TMEM135: variants seen among roughly 807,000 people sequenced by gnomAD.
TMEM135 encodes transmembrane protein 135, also known as peroxisomal membrane protein 52.
Under a neutral mutation model 60.3 loss-of-function variants are expected in TMEM135, and 30 were observed. That is an observed-to-expected ratio of 0.50 (90% CI 0.37 to 0.68). The LOEUF is 0.68. Ranked by LOEUF, TMEM135 falls within the 30% of genes least tolerant of loss-of-function variation. The probability of loss-of-function intolerance (pLI) is 0.00; values close to 1 mark genes in which losing one functional copy is unlikely to be tolerated. For synonymous variants in TMEM135, 190 were observed against 186.7 expected, an observed-to-expected ratio of 1.02 and a Z score of -0.14; for missense variants, 468 against 548.8, an observed-to-expected ratio of 0.85 and a Z score of 1.47.
At chr11:87,276,565 T>G (rs1401411665) in intron 6 of TMEM135, among the ~76,000 whole-genome samples, 1 of 151,822 alleles carries the variant, frequency 6.6e-6, no homozygotes, top group African/African-American at 2.4e-5. Flanking sequence ...TGTTTGTGTG[T>G]GTGTGTGTGT....
Position 87,155,279 on chromosome 11 carries a change from G to A in TMEM135, c.397-2062G>A, listed in dbSNP as rs564955982. Among the ~76,000 whole-genome samples, 283 of 152,346 alleles carry A rather than the reference G, an allele frequency of 1.9e-3. 1 individual carries two copies. The highest frequency in any genetic ancestry group is 2.8e-3 in the Non-Finnish European group (189 of 68,034). On this transcript the variant is annotated intron_variant, in intron 4 of 14. Coordinates refer to ENST00000305494, the MANE Select transcript of TMEM135 (RefSeq NM_022918.4). Reference sequence around the variant, plus strand: ...CTCTCAAACTGTTGGGATTACAGGCGTGAGCCGCCATGCCCAGACTGTTTT... The same window carrying A: ...CTCTCAAACTGTTGGGATTACAGGCATGAGCCGCCATGCCCAGACTGTTTT...
chr11:87,277,232 A>G (rs1304783250), intron 6 of TMEM135: 1 of 368,054 alleles, frequency 2.7e-6, no homozygotes. Context: ...CCCGGGTTCA[A>G]GCGATTCTTG....
At chr11:87,184,883 T>A (rs555182235) in intron 5 of TMEM135, among the ~76,000 whole-genome samples, 13 of 152,298 alleles carry the variant, frequency 8.5e-5, no homozygotes, top group African/African-American at 1.4e-4. Context: ...AACATCCTGT[T>A]TGCTAAATAA....
intron 6 of TMEM135, among the ~76,000 whole-genome samples, chr11:87,267,320 G>C (rs1175982030): frequency 6.6e-6 from 1 of 151,998 alleles, no homozygotes; most frequent in Non-Finnish European, 1.5e-5. Flanking sequence ...GATAGATTTT[G>C]AGCTGAGAAA....
chr11:87,038,520 G>C (rs1434522893), intron 1 of TMEM135, among the ~76,000 whole-genome samples: 1 of 151,550 alleles, frequency 6.6e-6, no homozygotes, highest in Non-Finnish European at 1.5e-5. Context: ...CCTCTGGCCT[G>C]CCTTGTGATG....
intron 5 of TMEM135, among the ~76,000 whole-genome samples, chr11:87,191,977 C>CTTTTAT (rs1939810778): frequency 1.1e-5 from 1 of 87,974 alleles, no homozygotes. Context: ...TGTTTCTTTT[C>CTTTTAT]TTTTCTTTTC....
intron 4 of TMEM135, among the ~76,000 whole-genome samples, chr11:87,132,649 A>G (rs926949771): frequency 4.7e-5 from 7 of 149,424 alleles, no homozygotes; most frequent in African/African-American, 1.7e-4. Context: ...GATCTTTGTA[A>G]TGCTAACTAC....
rs1253857423 is a variant in TMEM135, at chr11:87,326,871, A to C, written c.*5538A>C. On this transcript the variant is annotated 3_prime_UTR_variant, in exon 15 of 15. Coordinates refer to ENST00000305494, the MANE Select transcript of TMEM135 (RefSeq NM_022918.4). ...TCAGAACCAAAGGGCAGGATAAATAAATCTATGAAACTAGAGGCATCATTG... is the reference window on the plus strand; with the variant it reads ...TCAGAACCAAAGGGCAGGATAAATACATCTATGAAACTAGAGGCATCATTG... 2.2e-6 allele frequency: 1 copy of C among 451,850 alleles called. No homozygotes were observed. The highest frequency in any genetic ancestry group is 2.4e-5 in the Admixed American group (1 of 42,262). 28.0% of individuals were successfully genotyped at this position (451,850 alleles called of 1,614,324 possible).
intron 5 of TMEM135, among the ~76,000 whole-genome samples, chr11:87,179,214 T>A (rs181111564): frequency 1.3e-5 from 2 of 151,890 alleles, no homozygotes; most frequent in African/African-American, 4.9e-5. Context: ...TTTCATGGGG[T>A]TTATTGTCTT....
At chr11:87,043,463 C>A (rs1031490620) in intron 1 of TMEM135, among the ~76,000 whole-genome samples, 1 of 151,932 alleles carries the variant, frequency 6.6e-6, no homozygotes, top group East Asian at 1.9e-4. Context: ...CGGTGTCTGA[C>A]GCCTGTAATC....
At position 87,131,417 on chromosome 11, in the gene TMEM135, C is replaced by T. The variant is rs1937927868; in HGVS notation, c.397-25924C>T. 5.3e-5 allele frequency among the ~76,000 whole-genome samples: 8 copies of T among 149,942 alleles called. No individual in the cohort carries two copies. In the South Asian group the frequency reaches 1.7e-3, roughly 32 times the overall value. Reference sequence around the variant, plus strand: ...TGGGAGAATTGTTTGTTGGTGTATCCCTCACTAGAGTGTGGTCTGCTGGGG... The same window carrying T: ...TGGGAGAATTGTTTGTTGGTGTATCTCTCACTAGAGTGTGGTCTGCTGGGG... On this transcript the variant is annotated intron_variant, in intron 4 of 14. Transcript: ENST00000305494.
At chr11:87,213,871 A>G (rs1242053464) in intron 5 of TMEM135, among the ~76,000 whole-genome samples, 1 of 152,218 alleles carries the variant, frequency 6.6e-6, no homozygotes. Flanking sequence ...TTGTACTAAC[A>G]TATCCATTAT....
rs1856849748 is a variant in TMEM135 at position 87,075,344 on chromosome 11, C to T, written c.362+3729C>T. Among the ~76,000 whole-genome samples, 3 of 151,892 alleles carry T rather than the reference C, an allele frequency of 2.0e-5. 1 individual carries two copies. The highest frequency in any genetic ancestry group is 6.8e-3 in the Middle Eastern group (2 of 294). The stretch of plus-strand genomic sequence containing the variant: ...TTTTTTTTTGTATTTTTAGTAGAGA[C>T]GGGATTTCACAGTGTTAACCAGGAT... On this transcript the variant is annotated intron_variant, in intron 3 of 14. Coordinates refer to ENST00000305494, the MANE Select transcript of TMEM135 (RefSeq NM_022918.4).
chr11:87,138,316 C>T (rs577792329), intron 4 of TMEM135, among the ~76,000 whole-genome samples: 46 of 152,244 alleles, frequency 3.0e-4, no homozygotes, highest in African/African-American at 1.0e-3. Context: ...GTCTCAAGCT[C>T]GTGACCTCAG....
At chr11:87,094,617 G>A (rs937281988) in intron 4 of TMEM135, 1 of 153,418 alleles carries the variant, frequency 6.5e-6, no homozygotes, top group Non-Finnish European at 1.5e-5. Context: ...GAGGTGGGAG[G>A]ATTGCTTGAG....
intron 5 of TMEM135, among the ~76,000 whole-genome samples, chr11:87,193,059 G>A (rs1363253672): frequency 1.3e-5 from 2 of 152,096 alleles, no homozygotes; most frequent in Admixed American, 6.5e-5. Context: ...AGGTTGCAGT[G>A]AGCTGAGATT....
chr11:87,253,273 G>A (rs1158757049), intron 6 of TMEM135, among the ~76,000 whole-genome samples: 3 of 152,076 alleles, frequency 2.0e-5, no homozygotes, highest in Non-Finnish European at 4.4e-5. Context: ...TTAGTAGAAG[G>A]CAAAGAGAAA....
intron 6 of TMEM135, among the ~76,000 whole-genome samples, chr11:87,244,936 C>A (rs777950054): frequency 2.0e-5 from 3 of 151,168 alleles, no homozygotes; most frequent in Non-Finnish European, 4.4e-5. Context: ...CTTTTAATTG[C>A]GATGTTCGGG....
intron 4 of TMEM135, among the ~76,000 whole-genome samples, chr11:87,147,538 G>A (rs139396795): frequency 6.6e-6 from 1 of 152,062 alleles, no homozygotes; most frequent in African/African-American, 2.4e-5. Flanking sequence ...CAAACAATGT[G>A]TGTGCATAGC....
Sources: gnomAD v4.1 joint callset for allele counts (sites outside exome capture counted in the v4.1 genomes callset) on GRCh38, gnomAD v4.1.1 for gene constraint, MANE v1.5 for transcripts, NCBI Gene and HGNC (gene_info 2026-07-23, HGNC 2026-07-21) for gene names.